Variants in MECOM observed in about 807,000 individuals in gnomAD.
MECOM encodes the protein histone-lysine N-methyltransferase MECOM.
MECOM carries 13 observed loss-of-function variants against 116.3 expected under a neutral mutation model. The ratio of observed to expected loss-of-function variants is 0.11; its 90% CI spans 0.07 to 0.18. The LOEUF is 0.18. Ranked by LOEUF, MECOM falls within the 10% of genes least tolerant of loss-of-function variation. The pLI is 1.00. For synonymous variants in MECOM, 528 were observed against 535.2 expected, an observed-to-expected ratio of 0.99 and a Z score of 0.19; for missense variants, 1,299 against 1,509.0, an observed-to-expected ratio of 0.86 and a Z score of 2.31.
intron 1 of MECOM, among the ~76,000 whole-genome samples, chr3:169,418,696 C>A (rs113125685): frequency 0.058 from 8,777 of 152,048 alleles, 265 homozygotes; most frequent in Non-Finnish European, 0.067. Flanking sequence ...AAATTCAACA[C>A]CCCTTCACGA....
chr3:169,566,032 A>C, intron 1 of MECOM: 1 of 420,678 alleles, frequency 2.4e-6, no homozygotes, highest in Non-Finnish European at 4.7e-6. Flanking sequence ...AAGGGGAAAC[A>C]AGGACCTTCT....
At chr3:169,203,583 C>G (rs1577336069) in intron 2 of MECOM, among the ~76,000 whole-genome samples, 1 of 152,146 alleles carries the variant, frequency 6.6e-6, no homozygotes, top group Non-Finnish European at 1.5e-5. Context: ...AATCATTAAT[C>G]AGGAAAATAA....
chr3:169,662,182 C>T (rs1414609399), intron 1 of MECOM, among the ~76,000 whole-genome samples: 2 of 152,256 alleles, frequency 1.3e-5, no homozygotes, highest in Non-Finnish European at 2.9e-5. Flanking sequence ...CCACCGCCCC[C>T]TCCCCAAACC....
At chr3:169,324,366 C>A (rs1721472547) in intron 2 of MECOM, among the ~76,000 whole-genome samples, 1 of 152,232 alleles carries the variant, frequency 6.6e-6, no homozygotes, top group Non-Finnish European at 1.5e-5. Context: ...ACGGGAGATA[C>A]ACACTTCTCC....
chr3:169,567,384 G>T (rs754751747), intron 1 of MECOM, among the ~76,000 whole-genome samples: 2 of 152,186 alleles, frequency 1.3e-5, no homozygotes, highest in Non-Finnish European at 2.9e-5. Context: ...GCAGGACTTG[G>T]ATTCCGACTG....
At chr3:169,373,059 C>T (rs1431827850) in intron 2 of MECOM, among the ~76,000 whole-genome samples, 2 of 151,976 alleles carry the variant, frequency 1.3e-5, no homozygotes, top group Admixed American at 6.6e-5. Context: ...TTTAATCAAT[C>T]CGTAACTCTA....
chr3:169,568,323 G>T (rs774281530), intron 1 of MECOM, among the ~76,000 whole-genome samples: 20 of 152,082 alleles, frequency 1.3e-4, no homozygotes, highest in Non-Finnish European at 2.4e-4. Context: ...CTAGCTGCAG[G>T]AGTTTTTTTT....
rs910737414 is a variant in MECOM at position 169,147,509 on chromosome 3, A to T, written c.376-3677T>A. 3.0e-6 allele frequency: 3 copies of T among 985,328 alleles called. No individual in the cohort carries two copies. In the African/African-American group the frequency reaches 5.2e-5, roughly 17 times the overall value. The allele number at this position is 985,328 out of a possible 1,614,324, so 61.0% of individuals were successfully genotyped here. ...GACGGGCTCCTCTTTTAAATTTTTA[A>T]AGTGACAGCAGCCTCCTCTGGCGGG... is the stretch of plus-strand genomic sequence containing the variant. On this transcript the variant is annotated intron_variant, in intron 2 of 16. Transcript: ENST00000651503.
At chr3:169,555,868 G>T (rs1001765812) in intron 1 of MECOM, among the ~76,000 whole-genome samples, 2 of 152,192 alleles carry the variant, frequency 1.3e-5, no homozygotes, top group African/African-American at 2.4e-5. Context: ...TGGCGGACTG[G>T]CATTTTAAAG....
chr3:169,205,791 T>C (rs530707844), intron 2 of MECOM, among the ~76,000 whole-genome samples: 3 of 152,242 alleles, frequency 2.0e-5, no homozygotes, highest in Admixed American at 2.0e-4. Flanking sequence ...ATTTTAGAAA[T>C]CATTTAACTC....
At position 169,116,600 on chromosome 3, in the gene MECOM, C is replaced by A; in HGVS notation, c.1272G>T (p.Arg424Ser). Reference protein sequence around the residue: ...FSTTSSLNKHRRFCEGKNHFA... With the variant: ...FSTTSSLNKHSRFCEGKNHFA... ...AATGGTTCTTGCCCTCACAAAACCTCCTGTGTTTATTTAAGGAAGACGTAG... is the reference window on the plus strand; with the variant it reads ...AATGGTTCTTGCCCTCACAAAACCTACTGTGTTTATTTAAGGAAGACGTAG... Residue 424 changes from arginine (R) to serine (S), a missense_variant, in exon 8 of 17, where the codon AGG becomes AGT. This residue lies in a region of MECOM where 42 missense variants were observed against 103.9 expected (regional missense o/e 0.40). Transcript: ENST00000651503. The A allele has an allele frequency of 6.2e-7, 1 of 1,614,192 alleles. No individual in the cohort carries two copies. Among genetic ancestry groups the A allele is most frequent in the African/African-American group, 1.3e-5 (1 of 75,044 alleles).
chr3:169,281,443 A>T (rs746219466), intron 2 of MECOM, among the ~76,000 whole-genome samples: 9 of 152,218 alleles, frequency 5.9e-5, no homozygotes, highest in Non-Finnish European at 1.2e-4. Context: ...GATCCCAGAT[A>T]GATTTAAATT....
chr3:169,253,118 C>T (rs1450452002), intron 2 of MECOM, among the ~76,000 whole-genome samples: 1 of 152,118 alleles, frequency 6.6e-6, no homozygotes, highest in Non-Finnish European at 1.5e-5. Flanking sequence ...AAGTTGAATT[C>T]TGCCAAGCAT....
At chr3:169,213,063 C>T (rs1577360977) in intron 2 of MECOM, among the ~76,000 whole-genome samples, 1 of 145,394 alleles carries the variant, frequency 6.9e-6, no homozygotes, top group Admixed American at 6.8e-5. Context: ...TTGTTACTTC[C>T]TCTCTTTCTT....
chr3:169,527,603 A>T (rs1000780990), intron 1 of MECOM, among the ~76,000 whole-genome samples: 1 of 152,100 alleles, frequency 6.6e-6, no homozygotes, highest in African/African-American at 2.4e-5. Context: ...TTTCTTAATA[A>T]TTCTGGCAGC....
chr3:169,176,648 A>G (rs1474901538), intron 2 of MECOM, among the ~76,000 whole-genome samples: 1 of 152,208 alleles, frequency 6.6e-6, no homozygotes, highest in Non-Finnish European at 1.5e-5. Context: ...GCTTCTGCAC[A>G]GCAAAAGAAA....
chr3:169,381,646 T>C, intron 1 of MECOM, 122 bp from the exon 2 acceptor site: 1 of 743,624 alleles, frequency 1.3e-6, no homozygotes, highest in South Asian at 2.1e-5. Context: ...TGTTACGATG[T>C]GCCTTCATTA....
intron 1 of MECOM, among the ~76,000 whole-genome samples, chr3:169,492,706 A>C (rs950507684): frequency 9.2e-5 from 14 of 152,192 alleles, no homozygotes; most frequent in Admixed American, 5.2e-4. Flanking sequence ...TCACGCCTCT[A>C]ATCCCAGCAC....
At chr3:169,499,946 C>T (rs1754332200) in intron 1 of MECOM, among the ~76,000 whole-genome samples, 1 of 152,064 alleles carries the variant, frequency 6.6e-6, no homozygotes, top group African/African-American at 2.4e-5. Flanking sequence ...CTAGCCCTCA[C>T]TATCTATCTC....
Sources: allele counts gnomAD v4.1 joint callset (sites outside exome capture counted in the v4.1 genomes callset), GRCh38; gene constraint gnomAD v4.1.1; regional missense constraint gnomAD v4.1.1; transcripts MANE v1.5; gene names NCBI Gene and HGNC (gene_info 2026-07-23, HGNC 2026-07-21).